C8orf34: variants seen among roughly 807,000 people sequenced by gnomAD.
C8orf34 encodes chromosome 8 open reading frame 34.
C8orf34 carries 65 observed loss-of-function variants against 68.3 expected under a neutral mutation model. The ratio of observed to expected loss-of-function variants is 0.95; its 90% CI spans 0.78 to 1.17. The LOEUF (loss-of-function observed/expected upper bound fraction) is 1.17. Ranked by LOEUF, C8orf34 falls within the 50% of genes most tolerant of loss-of-function variation. C8orf34 has a pLI of 0.00. For synonymous variants in C8orf34, 244 were observed against 241.2 expected, an observed-to-expected ratio of 1.01 and a Z score of -0.11; for missense variants, 664 against 655.4, an observed-to-expected ratio of 1.01 and a Z score of -0.14.
chr8:68,358,801 G>A (rs920521371), intron 1 of C8orf34, among the ~76,000 whole-genome samples: 19 of 151,980 alleles, frequency 1.3e-4, no homozygotes, highest in African/African-American at 4.6e-4. Flanking sequence ...TGCCTCTCGG[G>A]TTCAAGTGAT....
At chr8:68,358,913 G>A (rs1235913639) in intron 1 of C8orf34, among the ~76,000 whole-genome samples, 1 of 151,890 alleles carries the variant, frequency 6.6e-6, no homozygotes, top group Non-Finnish European at 1.5e-5. Flanking sequence ...TGGTCACTCT[G>A]GCATCAAACG....
chr8:68,753,513 G>T (rs1197874288), intron 10 of C8orf34, among the ~76,000 whole-genome samples: 1 of 152,220 alleles, frequency 6.6e-6, no homozygotes, highest in Non-Finnish European at 1.5e-5. Flanking sequence ...TAGATTGGAA[G>T]AGTTAGATAA....
chr8:68,745,550 CA>C (rs1410088547), intron 10 of C8orf34, among the ~76,000 whole-genome samples: 1 of 151,942 alleles, frequency 6.6e-6, no homozygotes, highest in Non-Finnish European at 1.5e-5. Context: ...GTCTACCAAG[CA>C]AAAGGAAAAC....
At chr8:68,740,042 G>C (rs1012462977) in intron 10 of C8orf34, among the ~76,000 whole-genome samples, 34 of 152,132 alleles carry the variant, frequency 2.2e-4, no homozygotes, top group African/African-American at 8.0e-4. Context: ...GGGATAACTG[G>C]ATAGCCATAT....
intron 4 of C8orf34, among the ~76,000 whole-genome samples, chr8:68,471,963 CAA>C (rs897533067): frequency 6.7e-5 from 9 of 133,950 alleles, no homozygotes; most frequent in Non-Finnish European, 1.3e-4. Context: ...CACACACACA[CAA>C]CTCAAATAAT....
intron 4 of C8orf34, among the ~76,000 whole-genome samples, chr8:68,484,954 C>G (rs575250813): frequency 2.6e-5 from 4 of 152,146 alleles, no homozygotes; most frequent in Non-Finnish European, 1.5e-5. Flanking sequence ...AGTATTTGAA[C>G]AAAATATGGT....
At chr8:68,448,360 A>C (rs1465482420) in intron 3 of C8orf34, among the ~76,000 whole-genome samples, 1 of 152,122 alleles carries the variant, frequency 6.6e-6, no homozygotes, top group Non-Finnish European at 1.5e-5. Flanking sequence ...TTTTTAAAAA[A>C]TAGCATATGT....
intron 1 of C8orf34, among the ~76,000 whole-genome samples, chr8:68,378,713 C>T (rs1807910546): frequency 1.3e-5 from 2 of 152,184 alleles, no homozygotes; most frequent in Admixed American, 1.3e-4. Flanking sequence ...AAATTTCTAG[C>T]TAAATAAGCC....
chr8:68,533,995 A>G (rs113341263), intron 7 of C8orf34: 1 of 920,906 alleles, frequency 1.1e-6, no homozygotes, highest in African/African-American at 1.8e-5. Context: ...GAAAGCCTTA[A>G]ACACGTTTTA....
intron 7 of C8orf34, among the ~76,000 whole-genome samples, chr8:68,618,850 G>A (rs531005027): frequency 6.6e-6 from 1 of 152,196 alleles, no homozygotes; most frequent in Admixed American, 6.5e-5. Context: ...GGATGTTTGA[G>A]TAAAAGAATA....
intron 4 of C8orf34, among the ~76,000 whole-genome samples, chr8:68,480,929 G>T (rs542224116): frequency 6.6e-6 from 1 of 152,184 alleles, no homozygotes; most frequent in East Asian, 1.9e-4. Context: ...CATTTTCTGG[G>T]GAGACATTCA....
At chr8:68,654,804 A>C (rs1200601653) in intron 8 of C8orf34, among the ~76,000 whole-genome samples, 1 of 152,194 alleles carries the variant, frequency 6.6e-6, no homozygotes, top group African/African-American at 2.4e-5. Flanking sequence ...TTTTGCCTGA[A>C]AAATTCTTTT....
chr8:68,497,356 CAGATA>C lies in C8orf34; in HGVS notation c.765+9306_765+9310del, dbSNP rs145472153. ...CAGATTAACAAAAATCCCCATTTGT[CAGATA>C]CTCTGTTGGTGAGGCACTGGAAACA... On this transcript the variant is annotated intron_variant, in intron 5 of 13. Coordinates refer to ENST00000518698, the MANE Select transcript of C8orf34 (RefSeq NM_052958.4). 2.0e-4 allele frequency among the ~76,000 whole-genome samples: 30 copies of C among 152,304 alleles called. No homozygotes were observed. The East Asian group carries it at 5.6e-3, about 28-fold the overall frequency.
intron 11 of C8orf34, among the ~76,000 whole-genome samples, chr8:68,780,655 C>T (rs1823648536): frequency 6.6e-6 from 1 of 152,120 alleles, no homozygotes; most frequent in South Asian, 2.1e-4. Flanking sequence ...TGGCCCAGCT[C>T]ATGCCTGTAA....
chr8:68,679,663 TA>T (rs1820304052), intron 8 of C8orf34, among the ~76,000 whole-genome samples: 1 of 152,092 alleles, frequency 6.6e-6, no homozygotes, highest in Non-Finnish European at 1.5e-5. Context: ...TATTACCTAT[TA>T]CCTAACTCCA....
At chr8:68,442,319 C>T (rs1280851477) in intron 2 of C8orf34, among the ~76,000 whole-genome samples, 1 of 151,858 alleles carries the variant, frequency 6.6e-6, no homozygotes, top group African/African-American at 2.4e-5. Flanking sequence ...TAACAGAAGT[C>T]AAGGACATGA....
At chr8:68,408,102 G>A (rs1173524369) in intron 1 of C8orf34, among the ~76,000 whole-genome samples, 10 of 151,898 alleles carry the variant, frequency 6.6e-5, no homozygotes, top group Admixed American at 1.3e-4. Context: ...ATTACCTCCT[G>A]AGCTCTGCCT....
chr8:68,800,705 A>G (rs990770518), intron 12 of C8orf34, among the ~76,000 whole-genome samples: 16 of 152,172 alleles, frequency 1.1e-4, no homozygotes, highest in Non-Finnish European at 2.1e-4. Context: ...AAAGATAGGA[A>G]ATATCCACCC....
At chr8:68,613,481 T>C (rs1458036644) in intron 7 of C8orf34, among the ~76,000 whole-genome samples, 1 of 132,006 alleles carries the variant, frequency 7.6e-6, no homozygotes, top group Non-Finnish European at 1.5e-5. Flanking sequence ...GATATTCCCC[T>C]TCCTGTGTCC....
Sources: allele counts gnomAD v4.1 joint callset (sites outside exome capture counted in the v4.1 genomes callset), GRCh38; gene constraint gnomAD v4.1.1; transcripts MANE v1.5; gene names NCBI Gene and HGNC (gene_info 2026-07-23, HGNC 2026-07-21).